Variants in LRP1B observed in about 807,000 individuals in gnomAD.
LRP1B encodes the protein low-density lipoprotein receptor-related protein 1B.
Under a neutral mutation model 556.6 loss-of-function variants are expected in LRP1B, and 217 were observed. The observed-to-expected ratio is 0.39, with a 90% CI of 0.35 to 0.44. The LOEUF (loss-of-function observed/expected upper bound fraction) is 0.44. Among genes scored for constraint, LRP1B ranks in the 20% least tolerant of loss-of-function variants. The probability of loss-of-function intolerance (pLI) is 1.00; values close to 1 mark genes in which losing one functional copy is unlikely to be tolerated. For missense variants in LRP1B, 5,053 were observed against 5,620.8 expected (o/e 0.90, Z 3.23); for synonymous variants, 2,047 against 1,865.8 (o/e 1.10, Z -2.50).
chr2:140,528,279 G>T (rs1244474569), intron 47 of LRP1B, among the ~76,000 whole-genome samples: 1 of 151,994 alleles, frequency 6.6e-6, no homozygotes, highest in Non-Finnish European at 1.5e-5. Flanking sequence ...GGAAGGACAT[G>T]TGGGACAAAT....
At chr2:141,279,628 A>C (rs1292985627) in intron 3 of LRP1B, among the ~76,000 whole-genome samples, 1 of 152,124 alleles carries the variant, frequency 6.6e-6, no homozygotes, top group Non-Finnish European at 1.5e-5. Flanking sequence ...CATGTGCTGA[A>C]TGAAAACTAC....
intron 1 of LRP1B, among the ~76,000 whole-genome samples, chr2:142,009,489 A>G (rs773716371): frequency 8.5e-5 from 13 of 152,072 alleles, no homozygotes; most frequent in Non-Finnish European, 1.5e-4. Flanking sequence ...GCATTTCTCT[A>G]TAAGGTGCTA....
At chr2:140,569,206 A>G (rs1206621953) in intron 43 of LRP1B, among the ~76,000 whole-genome samples, 2 of 152,004 alleles carry the variant, frequency 1.3e-5, no homozygotes, top group Non-Finnish European at 2.9e-5. Flanking sequence ...CAACAGGAGT[A>G]TATCCTATTA....
intron 3 of LRP1B, among the ~76,000 whole-genome samples, chr2:141,288,672 C>A (rs1217789651): frequency 6.6e-6 from 1 of 152,030 alleles, no homozygotes; most frequent in Non-Finnish European, 1.5e-5. Context: ...TAATTTTTTT[C>A]TTACTTTACA....
chr2:141,151,996 C>T (rs925924), intron 7 of LRP1B, among the ~76,000 whole-genome samples: 148,101 of 152,132 alleles, frequency 0.97, 72,224 homozygotes, highest in Middle Eastern at 1. Flanking sequence ...TTTTTCAGTT[C>T]ATAATTATGC....
chr2:140,997,019 A>G (rs1040202669), intron 15 of LRP1B, among the ~76,000 whole-genome samples: 1 of 152,010 alleles, frequency 6.6e-6, no homozygotes, highest in Non-Finnish European at 1.5e-5. Context: ...GCTTTGAACT[A>G]TGTATTTGAA....
intron 41 of LRP1B, among the ~76,000 whole-genome samples, chr2:140,618,925 G>T (rs1276869536): frequency 6.6e-6 from 1 of 151,992 alleles, no homozygotes; most frequent in Non-Finnish European, 1.5e-5. Flanking sequence ...CGTAAAATGG[G>T]ACCTCTAATT....
intron 41 of LRP1B, among the ~76,000 whole-genome samples, chr2:140,661,389 A>T (rs1685086073): frequency 6.6e-5 from 10 of 151,620 alleles, no homozygotes. Context: ...GCTGGGCATG[A>T]TGGCTCATGC....
At chr2:140,585,184 T>C (rs1210725338) in intron 43 of LRP1B, among the ~76,000 whole-genome samples, 1 of 152,086 alleles carries the variant, frequency 6.6e-6, no homozygotes, top group Admixed American at 6.5e-5. Flanking sequence ...TTAAACTTGG[T>C]TTATTTTTTA....
intron 1 of LRP1B, among the ~76,000 whole-genome samples, chr2:141,854,360 A>G (rs1236323556): frequency 6.6e-6 from 1 of 152,048 alleles, no homozygotes; most frequent in Admixed American, 6.6e-5. Context: ...AGCAATTGCC[A>G]TTTCATCAGA....
rs139982424 is a variant in LRP1B at position 141,369,763 on chromosome 2, G to T, written c.343+110633C>A. Among the ~76,000 whole-genome samples the T allele has an allele frequency of 5.0e-3, 762 of 152,174 alleles. 9 individuals carry two copies. The highest frequency in any genetic ancestry group is 0.018 in the African/African-American group (736 of 41,508). On this transcript the variant is annotated intron_variant, in intron 3 of 90. Coordinates refer to ENST00000389484, the MANE Select transcript of LRP1B (RefSeq NM_018557.3). ...GGCATTCAATGTATTCATCACTGAA[G>T]CAATGCACATTGTACCCCCGGAGCA...
rs553348297 is a variant in LRP1B, at chr2:141,500,199, C to T, written c.206-19666G>A. ...TAAAATAACCCTTGTCTTCCATTAGCTTTCCCCATATATTTACCTTCCCAC... is the reference window on the plus strand; with the variant it reads ...TAAAATAACCCTTGTCTTCCATTAGTTTTCCCCATATATTTACCTTCCCAC... On this transcript the variant is annotated intron_variant, in intron 2 of 90. Transcript: ENST00000389484. Among the ~76,000 whole-genome samples the T allele has an allele frequency of 1.4e-4, 21 of 152,220 alleles. No homozygotes were observed. In the South Asian group the frequency reaches 4.1e-3, roughly 30 times the overall value.
intron 6 of LRP1B, among the ~76,000 whole-genome samples, chr2:141,193,346 G>T (rs1681603294): frequency 6.6e-6 from 1 of 151,896 alleles, no homozygotes; most frequent in Non-Finnish European, 1.5e-5. Context: ...CAACCTAAAT[G>T]CTCATCGTGA....
rs950959129 is a variant in LRP1B at position 140,231,974 on chromosome 2, C to G, written c.*1212G>C. 31 of 151,448 alleles carry G rather than the reference C, an allele frequency of 2.0e-4. No homozygotes were observed. The highest frequency in any genetic ancestry group is 3.0e-5 in the Non-Finnish European group (2 of 67,464). The allele number at this position is 151,448 out of a possible 1,614,324, so 9.4% of individuals were successfully genotyped here. ...AACTCAAATTTGAAGATAAACAAAC[C>G]AAACGTGAATGGGGTCCATGCGTTC... On this transcript the variant is annotated 3_prime_UTR_variant, in exon 91 of 91. Transcript: ENST00000389484.
intron 43 of LRP1B, among the ~76,000 whole-genome samples, chr2:140,560,048 T>C (rs980949389): frequency 1.3e-5 from 2 of 152,154 alleles, no homozygotes; most frequent in African/African-American, 2.4e-5. Flanking sequence ...AATGTCACTT[T>C]AACCAAGTGA....
intron 25 of LRP1B, among the ~76,000 whole-genome samples, chr2:140,875,021 TA>T (rs200338098): frequency 0.16 from 20,350 of 124,782 alleles, 1,458 homozygotes; most frequent in African/African-American, 0.23. Flanking sequence ...TCTGTCTCAA[TA>T]AAAAAAAAAA....
At chr2:140,855,737 A>G (rs1342874413) in intron 27 of LRP1B, among the ~76,000 whole-genome samples, 1 of 151,984 alleles carries the variant, frequency 6.6e-6, no homozygotes, top group Non-Finnish European at 1.5e-5. Flanking sequence ...CCAAGATAAG[A>G]GGATCCCTTG....
chr2:140,563,039 T>C (rs1401565102), intron 43 of LRP1B, among the ~76,000 whole-genome samples: 2 of 152,202 alleles, frequency 1.3e-5, no homozygotes, highest in African/African-American at 2.4e-5. Flanking sequence ...TACATATTTT[T>C]AATACCAGGA....
chr2:140,437,447 G>A (rs1686234764), intron 66 of LRP1B, among the ~76,000 whole-genome samples: 1 of 152,096 alleles, frequency 6.6e-6, no homozygotes, highest in Admixed American at 6.5e-5. Context: ...CAGATAATCT[G>A]TTTGCTAGTC....
Sources: gnomAD v4.1 joint callset for allele counts (sites outside exome capture counted in the v4.1 genomes callset) on GRCh38, gnomAD v4.1.1 for gene constraint, MANE v1.5 for transcripts, NCBI Gene and HGNC (gene_info 2026-07-23, HGNC 2026-07-21) for gene names.